POMGNT1: variants seen among roughly 807,000 people sequenced by gnomAD.
POMGNT1 encodes the protein protein O-linked-mannose beta-1,2-N-acetylglucosaminyltransferase 1.
In POMGNT1, 67 loss-of-function variants were observed where a neutral mutation model predicts 95.6. That is an observed-to-expected ratio of 0.70 (90% CI 0.58 to 0.86). The LOEUF is 0.86. Among genes scored for constraint, POMGNT1 ranks in the 40% least tolerant of loss-of-function variants. The probability of loss-of-function intolerance (pLI) is 0.00; values close to 1 mark genes in which losing one functional copy is unlikely to be tolerated. For synonymous variants in POMGNT1, 298 were observed against 317.9 expected (o/e 0.94, Z 0.66); for missense variants, 719 against 855.2 (o/e 0.84, Z 1.99).
At chr1:46,195,178 G>A (rs1450103635) in intron 6 of POMGNT1, among the ~76,000 whole-genome samples, 3 of 152,000 alleles carry the variant, frequency 2.0e-5, no homozygotes, top group African/African-American at 4.8e-5. Context: ...AAACCCACAC[G>A]ATCTGCACCT....
At position 46,219,908 on chromosome 1, in the gene POMGNT1, C is replaced by T. The variant is rs200634346; in HGVS notation, c.-254G>A. The stretch of plus-strand genomic sequence containing the variant: ...ACAGCCTGCCAGACACCAGCACCAC[C>T]GACCGGCTGGACAGTGTCTCTATTG... On this transcript the variant is annotated 5_prime_UTR_variant, in exon 1 of 23. Transcript: ENST00000371992. 2.0e-4 allele frequency: 327 copies of T among 1,613,906 alleles called. 2 individuals carry two copies. Among genetic ancestry groups the T allele is most frequent in the African/African-American group, 6.7e-5 (5 of 74,950 alleles).
At chr1:46,206,129 A>G (rs1658707094) in intron 1 of POMGNT1, among the ~76,000 whole-genome samples, 1 of 152,158 alleles carries the variant, frequency 6.6e-6, no homozygotes, top group Non-Finnish European at 1.5e-5. Context: ...ATGACAACCC[A>G]CCTCCACAGA....
Position 46,189,996 on chromosome 1 carries a change from T to A in POMGNT1, c.1650-7A>T. On this transcript the variant is annotated splice_region_variant and splice_polypyrimidine_tract_variant and intron_variant, in intron 19 of 21. Transcript: ENST00000371984. The stretch of plus-strand genomic sequence containing the variant: ...GTCCAGAACCTCAGCCTCACTGCAG[T>A]AGAGGGTGGGAGAATATAGCCAAGA... 1 of 1,613,648 alleles carries A rather than the reference T, an allele frequency of 6.2e-7. No homozygotes were observed. The highest frequency in any genetic ancestry group is 8.5e-7 in the Non-Finnish European group (1 of 1,179,914).
At chr1:46,211,322 CAGG>C (rs894562577) in intron 1 of POMGNT1, among the ~76,000 whole-genome samples, 14 of 152,018 alleles carry the variant, frequency 9.2e-5, no homozygotes, top group African/African-American at 3.4e-4. Flanking sequence ...GAGAGGAGAG[CAGG>C]AGAAGGTCAG....
chr1:46,219,071 C>T (rs1659150521), intron 1 of POMGNT1, among the ~76,000 whole-genome samples: 1 of 151,980 alleles, frequency 6.6e-6, no homozygotes, highest in African/African-American at 2.4e-5. Flanking sequence ...CTGAGGTGGG[C>T]GGATCACCTA....
chr1:46,195,811 C>G lies in POMGNT1; in HGVS notation c.534G>C (p.Lys178Asn), dbSNP rs1557676688. 1 of 1,589,060 alleles carries G rather than the reference C, an allele frequency of 6.3e-7. No individual in the cohort carries two copies. The highest frequency in any genetic ancestry group is 8.6e-7 in the Non-Finnish European group (1 of 1,166,244). ...TCAGGGTCAGGACAGAATAACTGACCTTGACAGTGCAGATGAGCACTCGGC... is the reference window on the plus strand; with the variant it reads ...TCAGGGTCAGGACAGAATAACTGACGTTGACAGTGCAGATGAGCACTCGGC... ...APGRVLICTVKDEGSFHLKDT... is the reference protein window; with the variant it reads ...APGRVLICTVNDEGSFHLKDT... The change falls in exon 6 of 22, where the codon AAG (lysine) becomes AAC (asparagine). Residue 178 changes from lysine (K) to asparagine (N), a missense_variant and splice_region_variant. This residue lies in a region of POMGNT1 where 466 missense variants were observed against 517.4 expected (regional missense o/e 0.90). Transcript: ENST00000371984.
chr1:46,196,173 A>G lies in POMGNT1; in HGVS notation c.355-96T>C. ...TAAAACACCAGCTGCTTGAAACATCACCTCCTGCCTATGTTTCTGTTCACA... is the reference window on the plus strand; with the variant it reads ...TAAAACACCAGCTGCTTGAAACATCGCCTCCTGCCTATGTTTCTGTTCACA... On this transcript the variant is annotated intron_variant, in intron 4 of 21. Coordinates refer to ENST00000371984, the MANE Select transcript of POMGNT1 (RefSeq NM_017739.4). The surrounding 1 kb of genome is among the most constrained non-coding windows in gnomAD (Gnocchi z 4.4). 1 of 1,585,798 alleles carries G rather than the reference A, an allele frequency of 6.3e-7. No homozygotes were observed. Among genetic ancestry groups the G allele is most frequent in the Non-Finnish European group, 8.6e-7 (1 of 1,168,956 alleles).
chr1:46,194,422 T>C, intron 8 of POMGNT1, 21 bp from the exon 9 acceptor site: 1 of 1,614,156 alleles, frequency 6.2e-7, no homozygotes, highest in African/African-American at 1.3e-5. Context: ...GATGCGGTTG[T>C]CATGGAGGCA....
At chr1:46,194,056 G>GT (rs1405906976) in intron 9 of POMGNT1, 131 bp from the exon 10 acceptor site, 43 of 1,547,368 alleles carry the variant, frequency 2.8e-5, no homozygotes, top group Non-Finnish European at 3.6e-5. Flanking sequence ...GATCTTCCCT[G>GT]TTCTGGGCTC....
intron 1 of POMGNT1, among the ~76,000 whole-genome samples, chr1:46,207,001 C>T (rs1658737352): frequency 6.6e-6 from 1 of 152,082 alleles, no homozygotes; most frequent in South Asian, 2.1e-4. Flanking sequence ...TCTAGAAAGT[C>T]GATTTCAAAT....
At chr1:46,201,788 A>G (rs1658542267), upstream of POMGNT1, among the ~76,000 whole-genome samples, 1 of 151,948 alleles carries the variant, frequency 6.6e-6, no homozygotes, top group Admixed American at 6.6e-5. Flanking sequence ...AGTTAAACCC[A>G]TATATCCATA....
chr1:46,219,865 C>G (rs769390159), exon 1 of POMGNT1: 1 of 1,613,866 alleles, frequency 6.2e-7, no homozygotes, highest in Non-Finnish European at 8.5e-7. Flanking sequence ...CCAGGCCGCT[C>G]AAGGCGAGGC....
intron 1 of POMGNT1, among the ~76,000 whole-genome samples, chr1:46,218,594 C>A (rs6696085): frequency 4.9e-4 from 75 of 152,098 alleles, no homozygotes; most frequent in Non-Finnish European, 7.4e-4. Context: ...TGTAGATGTT[C>A]GGATTCGGCA....
At chr1:46,193,269 A>T in intron 12 of POMGNT1, 36 bp downstream of exon 12, 44 of 1,613,996 alleles carry the variant, frequency 2.7e-5, no homozygotes, top group Non-Finnish European at 3.7e-5. Flanking sequence ...AGGCAGAGCC[A>T]GGTGTCTGCC....
chr1:46,198,732 A>G (rs1658438591), upstream of POMGNT1, among the ~76,000 whole-genome samples: 1 of 152,160 alleles, frequency 6.6e-6, no homozygotes. Flanking sequence ...AGGGCACGCC[A>G]GGGTCAGAGG....
intron 1 of POMGNT1, among the ~76,000 whole-genome samples, chr1:46,218,882 G>T (rs1364501695): frequency 6.6e-6 from 1 of 151,960 alleles, no homozygotes; most frequent in African/African-American, 2.4e-5. Flanking sequence ...AGGGAACCAG[G>T]TTAGCTCTCT....
At chr1:46,197,938 TGAGG>T in intron 1 of POMGNT1, 67 bp from the exon 2 acceptor site, 1 of 1,496,572 alleles carries the variant, frequency 6.7e-7, no homozygotes, top group Non-Finnish European at 9.1e-7. Context: ...TCTGGGGAGA[TGAGG>T]GAGGACCTCC....
At chr1:46,197,555 G>C in intron 2 of POMGNT1, 147 bp downstream of exon 2, 2 of 1,552,902 alleles carry the variant, frequency 1.3e-6, no homozygotes, top group East Asian at 4.5e-5. Flanking sequence ...ATTACCTATA[G>C]GGACATGACA....
rs1215275022 is a variant in POMGNT1, at chr1:46,190,747, G to A, written c.1577C>T (p.Pro526Leu). 1 of 1,613,744 alleles carries A rather than the reference G, an allele frequency of 6.2e-7. No individual in the cohort carries two copies. Among genetic ancestry groups the A allele is most frequent in the Non-Finnish European group, 8.5e-7 (1 of 1,179,878 alleles). ...YFKKHKFNTV[P>L]GVQLRNVDSL... The stretch of plus-strand genomic sequence containing the variant: ...GTCCACATTCCTGAGCTGGACACCT[G>A]GAACCGTGTTGAACTTGTGCTTCTT... Residue 526 changes from proline (P) to leucine (L), a missense_variant, in exon 18 of 22, where the codon CCA (proline) becomes CTA (leucine). Coordinates refer to ENST00000371984, the MANE Select transcript of POMGNT1 (RefSeq NM_017739.4).
Sources: gnomAD v4.1 joint callset for allele counts (sites outside exome capture counted in the v4.1 genomes callset) on GRCh38, gnomAD v4.1.1 for gene constraint, gnomAD v4.1.1 regional missense constraint, Gnocchi (gnomAD v3.1) non-coding constraint, MANE v1.5 for transcripts, NCBI Gene and HGNC (gene_info 2026-07-23, HGNC 2026-07-21) for gene names.